The following PAH variants were observed in gnomAD, a reference collection of about 807,000 sequenced individuals.
PAH encodes the protein phenylalanine hydroxylase.
A neutral mutation model predicts 62.0 loss-of-function variants in PAH; 64 were observed. The observed-to-expected ratio is 1.03, with a 90% CI of 0.84 to 1.27. The LOEUF (loss-of-function observed/expected upper bound fraction) is 1.27. Among genes scored for constraint, PAH ranks in the 50% most tolerant of loss-of-function variants. The pLI is 0.00. For synonymous variants in PAH, 195 were observed against 196.2 expected (o/e 0.99, Z 0.05); for missense variants, 579 against 542.8 (o/e 1.07, Z -0.66).
chr12:102,855,088 A>G (rs753979634), intron 6 of PAH, 48 bp downstream of exon 6: 16 of 1,497,604 alleles, frequency 1.1e-5, no homozygotes, highest in African/African-American at 2.8e-5. Context: ...CTCTGCCTCA[A>G]TCCTCCCCCA....
At chr12:102,851,108 GA>G (rs1441107271) in intron 8 of PAH, among the ~76,000 whole-genome samples, 1 of 147,830 alleles carries the variant, frequency 6.8e-6, no homozygotes, top group African/African-American at 2.5e-5. Context: ...AAAAAAGAAA[GA>G]AAAAGAAAAA....
intron 6 of PAH, 185 bp downstream of exon 6, chr12:102,854,951 G>T: frequency 1.5e-6 from 1 of 674,016 alleles, no homozygotes; most frequent in South Asian, 1.6e-5. Flanking sequence ...GATAAACACA[G>T]TAGGGGCTGG....
rs1206726013 is a variant in PAH at position 102,946,127 on chromosome 12, C to G, written c.-96+4462G>C. The G allele has an allele frequency of 5.3e-5, 8 of 152,334 alleles. 1 individual carries two copies. The South Asian group carries it at 1.7e-3, about 32-fold the overall frequency. 9.4% of individuals were successfully genotyped at this position (152,334 alleles called of 1,614,324 possible). A position where few individuals can be genotyped will look rare whatever the true frequency, so the allele number is the denominator to read the frequency against. On this transcript the variant is annotated intron_variant, in intron 1 of 3. Coordinates refer to the PAH transcript ENST00000546844. ...ATTCTACTGTAGCTGAGCTGATATT[C>G]AAGTTGCAAGACAAAGCCCTCTTTA...
intron 1 of PAH, among the ~76,000 whole-genome samples, chr12:102,948,355 A>C (rs4764924): frequency 0.15 from 22,226 of 152,100 alleles, 2,430 homozygotes; most frequent in African/African-American, 0.28. Flanking sequence ...ATGGAAAGTT[A>C]AGATTTCCAA....
At chr12:102,918,570 G>T (rs117160606), upstream of PAH, among the ~76,000 whole-genome samples, 1,235 of 57,446 alleles carry the variant, frequency 0.021, 19 homozygotes, top group African/African-American at 0.12. Flanking sequence ...GTTTTTTTTT[G>T]TTTTTTTTTT....
chr12:102,853,323 C>A (rs956113108), intron 6 of PAH: 1 of 331,814 alleles, frequency 3.0e-6, no homozygotes, highest in African/African-American at 2.1e-5. Flanking sequence ...ACTTCTCCTG[C>A]TTCTAGAGTG....
At chr12:102,866,479 AC>A in intron 5 of PAH, 116 bp downstream of exon 5, 1 of 814,816 alleles carries the variant, frequency 1.2e-6, no homozygotes, top group Non-Finnish European at 2.2e-6. Context: ...ACATGCACAC[AC>A]AGAAGGCAGG....
intron 3 of PAH, among the ~76,000 whole-genome samples, chr12:102,891,701 C>T (rs533163235): frequency 2.0e-5 from 3 of 152,226 alleles, no homozygotes; most frequent in East Asian, 3.9e-4. Context: ...CGAGTGTGGT[C>T]GCCGTGCTTC....
intron 5 of PAH, among the ~76,000 whole-genome samples, chr12:102,859,105 A>G (rs1027323367): frequency 4.6e-5 from 7 of 152,218 alleles, no homozygotes; most frequent in African/African-American, 1.7e-4. Flanking sequence ...AAAAGAGAGA[A>G]AAATTAAATA....
intron 3 of PAH, among the ~76,000 whole-genome samples, chr12:102,886,773 C>T (rs1297943085): frequency 2.6e-5 from 4 of 152,030 alleles, no homozygotes; most frequent in Non-Finnish European, 4.4e-5. Context: ...TGTATTATGC[C>T]ATGTAGCCAC....
chr12:102,839,300 G>A (rs1874488906), intron 12 of PAH, 82 bp from the exon 13 acceptor site: 1 of 1,352,870 alleles, frequency 7.4e-7, no homozygotes, highest in Non-Finnish European at 1.1e-6. Flanking sequence ...AAAGCACTAG[G>A]GGATAAGTGG....
intron 3 of PAH, among the ~76,000 whole-genome samples, chr12:102,892,572 G>A (rs1877319965): frequency 6.6e-6 from 1 of 152,184 alleles, no homozygotes; most frequent in African/African-American, 2.4e-5. Flanking sequence ...TAAACAAACT[G>A]TGGTACATCT....
chr12:102,889,000 G>A (rs1045495843), intron 3 of PAH, among the ~76,000 whole-genome samples: 1 of 152,032 alleles, frequency 6.6e-6, no homozygotes, highest in African/African-American at 2.4e-5. Context: ...AAGCCAAGCA[G>A]AGGAAAGGAG....
chr12:102,927,916 A>G (rs1878731829), intron 1 of PAH, among the ~76,000 whole-genome samples: 2 of 152,204 alleles, frequency 1.3e-5, no homozygotes, highest in African/African-American at 4.8e-5. Context: ...ACTTACATGT[A>G]TGTAAGGGAG....
At position 102,840,766 on chromosome 12, in the gene PAH, G is replaced by A. The variant is rs2245360; in HGVS notation, c.1200-251C>T. Among the ~76,000 whole-genome samples, 45,871 of 151,920 alleles carry A rather than the reference G, an allele frequency of 0.3. 7,658 individuals carry two copies. Among genetic ancestry groups the A allele is most frequent in the Non-Finnish European group, 0.38 (25,783 of 67,932 alleles). On this transcript the variant is annotated intron_variant, in intron 11 of 12. Transcript: ENST00000553106. ...TTATTTAGTCCCCTGGCTCCAAGAA[G>A]ACAGAGATAGCTTACAATGAAACTA...
intron 3 of PAH, among the ~76,000 whole-genome samples, chr12:102,884,883 T>G (rs1252270461): frequency 3.3e-5 from 5 of 152,192 alleles, no homozygotes; most frequent in Non-Finnish European, 7.3e-5. Flanking sequence ...TCATCTCCTT[T>G]AATTCGCAAA....
intron 1 of PAH, among the ~76,000 whole-genome samples, chr12:102,914,216 A>T (rs1319544125): frequency 6.6e-6 from 1 of 152,244 alleles, no homozygotes; most frequent in Non-Finnish European, 1.5e-5. Context: ...GAAATGGAAG[A>T]CTAAACTGTT....
chr12:102,895,051 T>TA (rs992663955), intron 2 of PAH, 133 bp from the exon 3 acceptor site: 1 of 737,380 alleles, frequency 1.4e-6, no homozygotes, highest in African/African-American at 1.8e-5. Flanking sequence ...TATAAGAGTA[T>TA]AAAAAAGTCC....
At chr12:102,862,672 T>A (rs1433788553) in intron 5 of PAH, among the ~76,000 whole-genome samples, 1 of 152,206 alleles carries the variant, frequency 6.6e-6, no homozygotes, top group Non-Finnish European at 1.5e-5. Flanking sequence ...GATCAGTGAC[T>A]GTCCCCTAGG....
Sources: gnomAD v4.1 joint callset for allele counts (sites outside exome capture counted in the v4.1 genomes callset) on GRCh38, gnomAD v4.1.1 for gene constraint, MANE v1.5 for transcripts, NCBI Gene and HGNC (gene_info 2026-07-23, HGNC 2026-07-21) for gene names.